PCDHGB6: variants seen among roughly 807,000 people sequenced by gnomAD.
PCDHGB6 encodes the protein protocadherin gamma-B6.
A neutral mutation model predicts 59.1 loss-of-function variants in PCDHGB6; 51 were observed. The ratio of observed to expected loss-of-function variants is 0.86; its 90% CI spans 0.69 to 1.09. The LOEUF (loss-of-function observed/expected upper bound fraction) is 1.09, where lower values mean the gene tolerates loss of function less well. PCDHGB6 is among the 50% of genes least tolerant of loss of function. The probability of loss-of-function intolerance (pLI) is 0.00; values close to 1 mark genes in which losing one functional copy is unlikely to be tolerated. For synonymous variants in PCDHGB6, 466 were observed against 495.1 expected, an observed-to-expected ratio of 0.94 and a Z score of 0.78; for missense variants, 1,148 against 1,205.1, an observed-to-expected ratio of 0.95 and a Z score of 0.70.
intron 1 of PCDHGB6, chr5:141,422,210 T>C: frequency 6.4e-7 from 1 of 1,562,390 alleles, no homozygotes; most frequent in South Asian, 1.2e-5. Flanking sequence ...GGTGGAGGTC[T>C]CTTTACCACC....
chr5:141,492,948 CA>C (rs2099745260), intron 1 of PCDHGB6, among the ~76,000 whole-genome samples: 1 of 152,188 alleles, frequency 6.6e-6, no homozygotes, highest in Non-Finnish European at 1.5e-5. Flanking sequence ...TGGAGGTGAC[CA>C]AACTATCTGA....
At chr5:141,484,801 A>G (rs1285617622) in intron 1 of PCDHGB6, among the ~76,000 whole-genome samples, 3 of 152,024 alleles carry the variant, frequency 2.0e-5, no homozygotes, top group African/African-American at 7.2e-5. Flanking sequence ...CAACCCGTGG[A>G]AAAACATGCC....
rs1258752203 is a variant in PCDHGB6, at chr5:141,431,160, G to C, written c.2418+20540G>C. On this transcript the variant is annotated intron_variant, in intron 1 of 3. Coordinates refer to ENST00000520790, the MANE Select transcript of PCDHGB6 (RefSeq NM_018926.3). The surrounding 1 kb of genome is among the most constrained non-coding windows in gnomAD (Gnocchi z 4.8). ...ATTAACGACAATGCGCCTTACTTTC[G>C]TGAAAGTGAATTAGAAATAAAAATT... is the stretch of plus-strand genomic sequence containing the variant. The C allele has an allele frequency of 6.2e-7, 1 of 1,614,198 alleles. No homozygotes were observed. Among genetic ancestry groups the C allele is most frequent in the South Asian group, 1.1e-5 (1 of 91,084 alleles).
chr5:141,408,309 C>G lies in PCDHGB6; in HGVS notation c.107C>G (p.Ser36Trp). Residue 36 changes from serine (S) to tryptophan (W), a missense_variant, in exon 1 of 4, where the codon TCG becomes TGG. By Grantham distance (177) the Ser-to-Trp change is radical. This residue lies in a region of PCDHGB6 where 307 missense variants were observed against 323.8 expected (regional missense o/e 0.95). Transcript: ENST00000520790. ...YPTLSEPIRY[S>W]IPEELAKGSV... ...ACCCTGAGTGAGCCGATCCGCTACT[C>G]GATTCCGGAGGAGCTGGCCAAGGGC... 1 of 1,613,816 alleles carries G rather than the reference C, an allele frequency of 6.2e-7. No individual in the cohort carries two copies. The highest frequency in any genetic ancestry group is 1.1e-5 in the South Asian group (1 of 91,076).
Position 141,485,156 on chromosome 5 carries a change from A to G in PCDHGB6, c.2419-9651A>G. The G allele has an allele frequency of 6.3e-7, 1 of 1,599,118 alleles. No homozygotes were observed. The highest frequency in any genetic ancestry group is 8.6e-7 in the Non-Finnish European group (1 of 1,168,318). On this transcript the variant is annotated intron_variant, in intron 1 of 3. Transcript: ENST00000520790. The surrounding 1 kb of genome is among the most constrained non-coding windows in gnomAD (Gnocchi z 5.7). ...ATCCGCGTCTCAGGAGCAAGTAGAG[A>G]ATTAGCGGGCGGCAGCAATGCTCCG... is the stretch of plus-strand genomic sequence containing the variant.
At chr5:141,451,224 C>G (rs2098710956) in intron 1 of PCDHGB6, among the ~76,000 whole-genome samples, 1 of 152,170 alleles carries the variant, frequency 6.6e-6, no homozygotes, top group South Asian at 2.1e-4. Flanking sequence ...TTAAAAGAAG[C>G]ATTTATTATC....
intron 1 of PCDHGB6, among the ~76,000 whole-genome samples, chr5:141,439,623 C>T (rs1219064055): frequency 6.6e-6 from 1 of 152,186 alleles, no homozygotes; most frequent in East Asian, 1.9e-4. Context: ...ATGAGCCAAT[C>T]CCCAGACATT....
chr5:141,412,108 G>A (rs897331971), intron 1 of PCDHGB6: 2 of 152,198 alleles, frequency 1.3e-5, no homozygotes, highest in Admixed American at 6.5e-5. Flanking sequence ...CACAGTTGAA[G>A]ATATGTGAAC....
Position 141,487,070 on chromosome 5 carries a change from C to T in PCDHGB6, c.2419-7737C>T. ...TGCTGGGGAGGTGCGGACGGCTGTT[C>T]CTATCCCAGCTGACCTCCCACCACA... On this transcript the variant is annotated intron_variant, in intron 1 of 3. Coordinates refer to ENST00000520790, the MANE Select transcript of PCDHGB6 (RefSeq NM_018926.3). This position sits in a 1 kb window ranked among gnomAD's most constrained non-coding sequence, Gnocchi z 5.0. The T allele has an allele frequency of 6.2e-7, 1 of 1,614,154 alleles. No homozygotes were observed. Among genetic ancestry groups the T allele is most frequent in the Non-Finnish European group, 8.5e-7 (1 of 1,180,008 alleles).
chr5:141,495,199 G>A (rs1205495643), intron 2 of PCDHGB6, among the ~76,000 whole-genome samples: 1 of 152,164 alleles, frequency 6.6e-6, no homozygotes, highest in African/African-American at 2.4e-5. Context: ...CCCATGTACT[G>A]CCTAACCCCC....
intron 1 of PCDHGB6, chr5:141,419,399 G>T (rs893535249): frequency 6.2e-7 from 1 of 1,613,470 alleles, no homozygotes. Context: ...GAGCGGGGTG[G>T]TGTTCGCGCA....
rs1185679701 is a variant in PCDHGB6, at chr5:141,511,384, G to A, written c.*211G>A. On this transcript the variant is annotated 3_prime_UTR_variant, in exon 4 of 4. Coordinates refer to ENST00000520790, the MANE Select transcript of PCDHGB6 (RefSeq NM_018926.3). ...TTGAATATGCAAAAGCAGTTCCGCT[G>A]GGAACCCCCATCCAATCAACTGCTG... is the stretch of plus-strand genomic sequence containing the variant. 3.5e-6 allele frequency: 4 copies of A among 1,154,490 alleles called. No homozygotes were observed. Among genetic ancestry groups the A allele is most frequent in the Admixed American group, 2.9e-5 (1 of 34,748 alleles). 71.5% of individuals were successfully genotyped at this position (1,154,490 alleles called of 1,614,324 possible). A position where few individuals can be genotyped will look rare whatever the true frequency, so the allele number is the denominator to read the frequency against.
Position 141,476,191 on chromosome 5 carries a change from C to T in PCDHGB6, c.2419-18616C>T. The T allele has an allele frequency of 6.2e-7, 1 of 1,613,860 alleles. No homozygotes were observed. The highest frequency in any genetic ancestry group is 8.5e-7 in the Non-Finnish European group (1 of 1,180,006). ...TGGGAGTTTTGCTTCTGCTTGGTGC[C>T]TTGAACAAGGCTTCCACGGTCATTC... On this transcript the variant is annotated intron_variant, in intron 1 of 3. Transcript: ENST00000520790. This position sits in a 1 kb window ranked among gnomAD's most constrained non-coding sequence, Gnocchi z 7.6.
intron 1 of PCDHGB6, chr5:141,413,287 T>C (rs937508313): frequency 6.2e-7 from 1 of 1,613,950 alleles, no homozygotes. Flanking sequence ...GATCTCCTAC[T>C]CAATTCCTGA....
At chr5:141,430,977 A>C (rs761722055) in intron 1 of PCDHGB6, 1 of 1,613,290 alleles carries the variant, frequency 6.2e-7, no homozygotes, top group South Asian at 1.1e-5. Context: ...GGTAGGACGC[A>C]GCTTTTCGCC....
At chr5:141,505,241 T>C in intron 2 of PCDHGB6, 152 bp from the exon 3 acceptor site, 3 of 1,396,292 alleles carry the variant, frequency 2.1e-6, no homozygotes, top group South Asian at 1.4e-5. Flanking sequence ...TTCTGAAGGA[T>C]TGTAGAAGTG....
At chr5:141,488,021 C>A (rs570700985) in intron 1 of PCDHGB6, among the ~76,000 whole-genome samples, 1 of 152,244 alleles carries the variant, frequency 6.6e-6, no homozygotes, top group East Asian at 1.9e-4. Flanking sequence ...TACCTTAACT[C>A]TAGGTTACCA....
intron 1 of PCDHGB6, chr5:141,419,816 C>A (rs910172118): frequency 7.4e-6 from 12 of 1,613,940 alleles, no homozygotes; most frequent in Non-Finnish European, 1.0e-5. Context: ...AGGACAGCCA[C>A]CCCTTTCAGC....
At chr5:141,412,815 A>G (rs2095578958) in intron 1 of PCDHGB6, among the ~76,000 whole-genome samples, 1 of 152,328 alleles carries the variant, frequency 6.6e-6, no homozygotes, top group Non-Finnish European at 1.5e-5. Flanking sequence ...AGAAACCTAC[A>G]TATAGTAAAT....
Sources: allele counts gnomAD v4.1 joint callset (sites outside exome capture counted in the v4.1 genomes callset), GRCh38; gene constraint gnomAD v4.1.1; regional missense constraint gnomAD v4.1.1; non-coding constraint Gnocchi (gnomAD v3.1); transcripts MANE v1.5; gene names NCBI Gene and HGNC (gene_info 2026-07-23, HGNC 2026-07-21).